Variants in TANGO6 observed in about 807,000 individuals in gnomAD.
The protein encoded by TANGO6 is transport and Golgi organization protein 6 homolog.
In TANGO6, 90 loss-of-function variants were observed where a neutral mutation model predicts 114.2. That is an observed-to-expected ratio of 0.79 (90% confidence interval 0.66 to 0.94). TANGO6 has a LOEUF of 0.94. Ranked by LOEUF, TANGO6 falls within the 40% of genes least tolerant of loss-of-function variation. The pLI is 0.00. For missense variants in TANGO6, 1,274 were observed against 1,315.3 expected (o/e 0.97, Z 0.49); for synonymous variants, 477 against 509.8 (o/e 0.94, Z 0.87).
chr16:68,932,980 T>G (rs146754396), intron 14 of TANGO6, among the ~76,000 whole-genome samples: 1 of 152,320 alleles, frequency 6.6e-6, no homozygotes, highest in Non-Finnish European at 1.5e-5. Flanking sequence ...GTGTTCAATA[T>G]GTGTTAGCTA....
At position 68,878,040 on chromosome 16, in the gene TANGO6, A is replaced by C. The variant is rs1191537443; in HGVS notation, c.1132-78A>C. 5 of 1,270,352 alleles carry C rather than the reference A, an allele frequency of 3.9e-6. No homozygotes were observed. In the African/African-American group the frequency reaches 4.5e-5, roughly 11 times the overall value. 78.7% of individuals were successfully genotyped at this position (1,270,352 alleles called of 1,614,324 possible). ...GTGAATTTATTTTTTGTCTTAAAGA[A>C]ATTCATGCTTTTTGTTTTTAGTTAC... On this transcript the variant is annotated intron_variant, in intron 5 of 17. Coordinates refer to ENST00000261778, the MANE Select transcript of TANGO6 (RefSeq NM_024562.2).
intron 14 of TANGO6, among the ~76,000 whole-genome samples, chr16:68,972,483 T>A (rs554298665): frequency 6.6e-6 from 1 of 152,306 alleles, no homozygotes; most frequent in East Asian, 1.9e-4. Context: ...CTCAAGCATT[T>A]ATATTACTTC....
intron 17 of TANGO6, among the ~76,000 whole-genome samples, chr16:69,049,764 T>C (rs1488025530): frequency 6.6e-6 from 1 of 151,054 alleles, no homozygotes; most frequent in African/African-American, 2.4e-5. Flanking sequence ...TTTATAAAGA[T>C]GGGGTCTCAC....
intron 15 of TANGO6, among the ~76,000 whole-genome samples, chr16:69,005,139 A>G (rs1452900426): frequency 6.6e-6 from 1 of 151,984 alleles, no homozygotes; most frequent in Non-Finnish European, 1.5e-5. Context: ...ACAGTACAAC[A>G]TGACTCTGGC....
intron 17 of TANGO6, among the ~76,000 whole-genome samples, chr16:69,052,228 G>A (rs1176018882): frequency 1.3e-5 from 2 of 150,070 alleles, no homozygotes; most frequent in Non-Finnish European, 1.5e-5. Flanking sequence ...TGTTGGGATT[G>A]CAGGTGTGTG....
Position 68,846,087 on chromosome 16 carries a change from G to A in TANGO6, c.94+2376G>A, listed in dbSNP as rs62055790. Among the ~76,000 whole-genome samples the A allele has an allele frequency of 6.9e-3, 1,045 of 151,992 alleles. 6 individuals are homozygous for A. Among genetic ancestry groups the A allele is most frequent in the Middle Eastern group, 0.014 (4 of 294 alleles). ...GTTGCCCAGGCTGGAGTGCAGTGGCGCAATCTCAGCTCACTGCAACCTCCA... is the reference window on the plus strand; with the variant it reads ...GTTGCCCAGGCTGGAGTGCAGTGGCACAATCTCAGCTCACTGCAACCTCCA... On this transcript the variant is annotated intron_variant, in intron 1 of 17. Coordinates refer to ENST00000261778, the MANE Select transcript of TANGO6 (RefSeq NM_024562.2).
At chr16:69,032,605 A>G (rs1035900656) in intron 16 of TANGO6, among the ~76,000 whole-genome samples, 12 of 150,968 alleles carry the variant, frequency 7.9e-5, no homozygotes, top group African/African-American at 2.2e-4. Flanking sequence ...TTGGCCGGGC[A>G]TGGTGGCTCA....
At chr16:68,947,224 G>C (rs959258789) in intron 14 of TANGO6, among the ~76,000 whole-genome samples, 1 of 152,088 alleles carries the variant, frequency 6.6e-6, no homozygotes, top group Admixed American at 6.6e-5. Context: ...TTGGGAGGCC[G>C]AGGCAGGCGG....
chr16:69,075,142 C>T (rs531622196), intron 17 of TANGO6, among the ~76,000 whole-genome samples: 14 of 150,884 alleles, frequency 9.3e-5, no homozygotes, highest in African/African-American at 3.4e-4. Context: ...TGTGCCTGGC[C>T]TGAAATATAA....
chr16:69,020,944 T>TGTGTGTGTGTG (rs1597060886), intron 15 of TANGO6, among the ~76,000 whole-genome samples: 3 of 141,366 alleles, frequency 2.1e-5, no homozygotes, highest in East Asian at 4.2e-4. Context: ...GTGTGTGTGG[T>TGTGTGTGTGTG]GTGTGTGTGT....
chr16:68,946,023 T>C (rs572239013), intron 14 of TANGO6, among the ~76,000 whole-genome samples: 15 of 151,884 alleles, frequency 9.9e-5, no homozygotes, highest in African/African-American at 3.6e-4. Context: ...CTTCCTATCA[T>C]TGAGTTATAA....
At chr16:68,901,993 G>T (rs574059912) in intron 8 of TANGO6, among the ~76,000 whole-genome samples, 1 of 149,600 alleles carries the variant, frequency 6.7e-6, no homozygotes, top group Non-Finnish European at 1.5e-5. Flanking sequence ...ATTTTTATCC[G>T]TGTATACTTT....
At chr16:68,924,119 A>G (rs1312798673) in intron 12 of TANGO6, among the ~76,000 whole-genome samples, 2 of 152,254 alleles carry the variant, frequency 1.3e-5, no homozygotes, top group Admixed American at 1.3e-4. Flanking sequence ...CTTGCAAACC[A>G]CAGTGCCTCC....
chr16:68,947,324 T>G (rs1963423976), intron 14 of TANGO6, among the ~76,000 whole-genome samples: 1 of 151,902 alleles, frequency 6.6e-6, no homozygotes, highest in African/African-American at 2.4e-5. Flanking sequence ...CATGGTGGTG[T>G]GTGCCTACAA....
intron 11 of TANGO6, among the ~76,000 whole-genome samples, chr16:68,913,151 C>T (rs539863726): frequency 6.6e-6 from 1 of 151,838 alleles, no homozygotes; most frequent in East Asian, 1.9e-4. Context: ...TGCAGCCTTC[C>T]ACCCAATGGG....
chr16:69,024,658 T>A (rs1959469120), intron 16 of TANGO6, among the ~76,000 whole-genome samples: 1 of 152,244 alleles, frequency 6.6e-6, no homozygotes, highest in Non-Finnish European at 1.5e-5. Flanking sequence ...GTGCACCTAC[T>A]CTGCTATTTA....
chr16:68,988,154 C>T (rs1300991014), intron 15 of TANGO6, among the ~76,000 whole-genome samples: 1 of 152,144 alleles, frequency 6.6e-6, no homozygotes, highest in Non-Finnish European at 1.5e-5. Context: ...CACTTTCTCC[C>T]TCCCCATTCT....
At chr16:68,969,134 G>A (rs1204119845) in intron 14 of TANGO6, among the ~76,000 whole-genome samples, 1 of 152,108 alleles carries the variant, frequency 6.6e-6, no homozygotes, top group Non-Finnish European at 1.5e-5. Context: ...GTTTCCTACG[G>A]TCAGAGCAGA....
chr16:68,962,085 C>T (rs1030746649), intron 14 of TANGO6, among the ~76,000 whole-genome samples: 42 of 152,272 alleles, frequency 2.8e-4, no homozygotes, highest in African/African-American at 8.9e-4. Flanking sequence ...GCATGCTAGA[C>T]GTAATCATTT....
Sources: allele counts gnomAD v4.1 joint callset (sites outside exome capture counted in the v4.1 genomes callset), GRCh38; gene constraint gnomAD v4.1.1; transcripts MANE v1.5; gene names NCBI Gene and HGNC (gene_info 2026-07-23, HGNC 2026-07-21).